The following IGF2BP2 variants were observed in gnomAD, a reference collection of about 807,000 sequenced individuals.
IGF2BP2 encodes insulin like growth factor 2 mRNA binding protein 2, also known as insulin-like growth factor 2 mRNA-binding protein 2.
A neutral mutation model predicts 75.8 loss-of-function variants in IGF2BP2; 17 were observed. The observed-to-expected ratio is 0.22, with a 90% CI of 0.15 to 0.34. IGF2BP2 has a LOEUF of 0.34. IGF2BP2 is among the 10% of genes least tolerant of loss of function. The pLI is 1.00. For missense variants in IGF2BP2, 516 were observed against 772.4 expected, an observed-to-expected ratio of 0.67 and a Z score of 3.93; for synonymous variants, 288 against 295.6, an observed-to-expected ratio of 0.97 and a Z score of 0.26.
intron 2 of IGF2BP2, among the ~76,000 whole-genome samples, chr3:185,740,004 C>A (rs1729342214): frequency 6.6e-6 from 1 of 151,756 alleles, no homozygotes; most frequent in African/African-American, 2.4e-5. Context: ...TACAGGCGTA[C>A]ACCACCATAC....
At chr3:185,789,096 G>A (rs537118797) in intron 2 of IGF2BP2, among the ~76,000 whole-genome samples, 1 of 151,932 alleles carries the variant, frequency 6.6e-6, no homozygotes, top group East Asian at 1.9e-4. Flanking sequence ...GCGAATATTC[G>A]ATCCTCCCGC....
chr3:185,725,870 C>G (rs2149488820), intron 2 of IGF2BP2, among the ~76,000 whole-genome samples: 1 of 152,254 alleles, frequency 6.6e-6, no homozygotes, highest in East Asian at 1.9e-4. Flanking sequence ...ACTTGGGAGG[C>G]TGAGGATCAC....
intron 2 of IGF2BP2, among the ~76,000 whole-genome samples, chr3:185,739,565 G>A (rs1729269267): frequency 6.6e-6 from 1 of 152,124 alleles, no homozygotes; most frequent in Non-Finnish European, 1.5e-5. Context: ...GCTGAATTTG[G>A]CCAGGAGCAG....
intron 7 of IGF2BP2, among the ~76,000 whole-genome samples, chr3:185,681,292 A>G (rs1290687164): frequency 6.6e-6 from 1 of 152,234 alleles, no homozygotes; most frequent in Non-Finnish European, 1.5e-5. Context: ...ATACACAACA[A>G]TAAACAATCT....
intron 12 of IGF2BP2, among the ~76,000 whole-genome samples, chr3:185,652,743 G>A (rs538082407): frequency 6.6e-6 from 1 of 152,292 alleles, no homozygotes; most frequent in East Asian, 1.9e-4. Context: ...AGGCACGTTG[G>A]TTCTAGTCCT....
chr3:185,817,226 T>C (rs1286194314), intron 2 of IGF2BP2, among the ~76,000 whole-genome samples: 1 of 152,204 alleles, frequency 6.6e-6, no homozygotes, highest in East Asian at 1.9e-4. Flanking sequence ...ATAAACAAAA[T>C]GTATCTCAAA....
intron 2 of IGF2BP2, among the ~76,000 whole-genome samples, chr3:185,795,823 G>A (rs897515351): frequency 1.3e-5 from 2 of 152,016 alleles, no homozygotes; most frequent in Non-Finnish European, 2.9e-5. Flanking sequence ...CAGGTGGAGG[G>A]TGCAGTGAGA....
intron 12 of IGF2BP2, among the ~76,000 whole-genome samples, chr3:185,655,294 G>A (rs2149083497): frequency 6.6e-6 from 1 of 152,248 alleles, no homozygotes; most frequent in East Asian, 1.9e-4. Context: ...ATCATGCATG[G>A]CTAATTTTTA....
At chr3:185,812,164 T>C (rs1323618777) in intron 2 of IGF2BP2, among the ~76,000 whole-genome samples, 2 of 152,204 alleles carry the variant, frequency 1.3e-5, no homozygotes, top group Non-Finnish European at 2.9e-5. Flanking sequence ...CCTGTGTTCG[T>C]GGAGCCCCAC....
chr3:185,817,441 G>A (rs1333826342), intron 2 of IGF2BP2, among the ~76,000 whole-genome samples: 2 of 152,012 alleles, frequency 1.3e-5, no homozygotes, highest in Non-Finnish European at 2.9e-5. Flanking sequence ...CTTCCCTTTG[G>A]CAGCCAAGCA....
intron 2 of IGF2BP2, among the ~76,000 whole-genome samples, chr3:185,701,754 G>T (rs898389566): frequency 1.4e-4 from 22 of 152,154 alleles, no homozygotes; most frequent in Non-Finnish European, 2.4e-4. Context: ...AGATCAGGAT[G>T]GAAAGGAAGG....
At chr3:185,780,364 A>C (rs1174234914) in intron 2 of IGF2BP2, among the ~76,000 whole-genome samples, 1 of 152,198 alleles carries the variant, frequency 6.6e-6, no homozygotes, top group African/African-American at 2.4e-5. Flanking sequence ...CCTGTGGGAC[A>C]AATATTTTTC....
chr3:185,689,255 C>T (rs1049725792), intron 6 of IGF2BP2, 100 bp downstream of exon 6: 10 of 1,229,782 alleles, frequency 8.1e-6, no homozygotes, highest in Non-Finnish European at 1.0e-5. Context: ...CACAGCCCCC[C>T]ACTGCTGATG....
intron 15 of IGF2BP2, among the ~76,000 whole-genome samples, chr3:185,646,188 C>A (rs1213772138): frequency 2.0e-5 from 3 of 152,150 alleles, no homozygotes; most frequent in Admixed American, 6.5e-5. Context: ...AGGAGCTGAG[C>A]TGGGAGACAG....
chr3:185,774,106 T>C (rs1734224242), intron 2 of IGF2BP2, among the ~76,000 whole-genome samples: 1 of 152,150 alleles, frequency 6.6e-6, no homozygotes, highest in South Asian at 2.1e-4. Context: ...TGCCAGAATG[T>C]GTGCCTTTCT....
intron 10 of IGF2BP2, among the ~76,000 whole-genome samples, chr3:185,662,310 T>G (rs548287897): frequency 1.3e-5 from 2 of 151,904 alleles, no homozygotes; most frequent in East Asian, 3.9e-4. Flanking sequence ...AAACCCCACT[T>G]CTACCCAAAA....
In IGF2BP2 at chr3:185,665,440, A is replaced by AGG. The variant is rs1560251327; in HGVS notation, c.1201-7032_1201-7031insCC. The stretch of plus-strand genomic sequence containing the variant: ...GGAGAAGGAGAAGGAGGAGGAGGAG[A>AGG]AGGAGGAGGAGGAGGAGAAGAAGAA... On this transcript the variant is annotated intron_variant, in intron 10 of 15. Transcript: ENST00000382199. Among the ~76,000 whole-genome samples, 19 of 55,532 alleles carry AGG rather than the reference A, an allele frequency of 3.4e-4. 2 individuals carry two copies. The highest frequency in any genetic ancestry group is 5.7e-4 in the Non-Finnish European group (15 of 26,424). The allele number at this position is 55,532 out of a possible 152,430, so 36.4% of individuals were successfully genotyped here. A position where few individuals can be genotyped will look rare whatever the true frequency, so the allele number is the denominator to read the frequency against.
At chr3:185,778,046 C>T (rs1489443861) in intron 2 of IGF2BP2, among the ~76,000 whole-genome samples, 1 of 152,044 alleles carries the variant, frequency 6.6e-6, no homozygotes, top group East Asian at 1.9e-4. Context: ...AATGTGGAGG[C>T]TCGCTGAGCA....
chr3:185,819,516 T>G (rs937535301), intron 2 of IGF2BP2, among the ~76,000 whole-genome samples: 1 of 152,096 alleles, frequency 6.6e-6, no homozygotes, highest in Non-Finnish European at 1.5e-5. Context: ...CTAATACTTA[T>G]CTCTTTGAGG....
Sources: gnomAD v4.1 joint callset for allele counts (sites outside exome capture counted in the v4.1 genomes callset) on GRCh38, gnomAD v4.1.1 for gene constraint, MANE v1.5 for transcripts, NCBI Gene and HGNC (gene_info 2026-07-23, HGNC 2026-07-21) for gene names.